The following JAKMIP2 variants were observed in gnomAD, a reference collection of about 807,000 sequenced individuals.
The protein encoded by JAKMIP2 is janus kinase and microtubule-interacting protein 2.
A neutral mutation model predicts 115.0 loss-of-function variants in JAKMIP2; 25 were observed. The observed-to-expected ratio is 0.22, with a 90% CI of 0.16 to 0.30. JAKMIP2 has a LOEUF of 0.30. JAKMIP2 is among the 10% of genes least tolerant of loss of function. The pLI, the probability that JAKMIP2 is intolerant of heterozygous loss-of-function variation, is 1.00. For missense variants in JAKMIP2, 642 were observed against 957.6 expected (o/e 0.67, Z 4.35); for synonymous variants, 334 against 343.6 (o/e 0.97, Z 0.31).
chr5:147,728,277 A>G, intron 1 of JAKMIP2, among the ~76,000 whole-genome samples: 1 of 152,148 alleles, frequency 6.6e-6, no homozygotes, highest in Non-Finnish European at 1.5e-5. Flanking sequence ...CTCCACTGAG[A>G]GATAAGGCTC....
intron 1 of JAKMIP2, among the ~76,000 whole-genome samples, chr5:147,748,694 A>G (rs1399467663): frequency 6.6e-6 from 1 of 152,218 alleles, no homozygotes. Context: ...GGCCAGGTAG[A>G]GAACCCATCT....
intron 3 of JAKMIP2, among the ~76,000 whole-genome samples, chr5:147,650,885 T>G (rs1365885571): frequency 6.6e-6 from 1 of 152,154 alleles, no homozygotes; most frequent in African/African-American, 2.4e-5. Context: ...AGATGAACAT[T>G]AAATATTCCA....
chr5:147,751,212 T>A (rs1754540765), intron 1 of JAKMIP2, among the ~76,000 whole-genome samples: 1 of 151,554 alleles, frequency 6.6e-6, no homozygotes, highest in Non-Finnish European at 1.5e-5. Context: ...GCTGGGATTA[T>A]AGGCTCGTGC....
intron 1 of JAKMIP2, among the ~76,000 whole-genome samples, chr5:147,732,777 C>G (rs1032868618): frequency 3.3e-5 from 5 of 152,198 alleles, no homozygotes; most frequent in Non-Finnish European, 7.3e-5. Context: ...CCCAGTGTCT[C>G]ACAGCTGGGA....
In JAKMIP2 at chr5:147,671,862, C is replaced by T. The variant is rs1759615973; in HGVS notation, c.-56G>A. The T allele has an allele frequency of 6.8e-7, 1 of 1,470,878 alleles. No individual in the cohort carries two copies. The highest frequency in any genetic ancestry group is 2.1e-5 in the Admixed American group (1 of 46,516). 91.1% of individuals were successfully genotyped at this position (1,470,878 alleles called of 1,614,324 possible). ...TTAATTTCTTTCAAGCAGGTGCTGC[C>T]ATGTTACTGTTTCTTATCCTGGAGT... is the stretch of plus-strand genomic sequence containing the variant. On this transcript the variant is annotated 5_prime_UTR_variant, in exon 2 of 22. The change abolishes an upstream ATG in the 5' untranslated region. Transcript: ENST00000616793.
intron 20 of JAKMIP2, among the ~76,000 whole-genome samples, chr5:147,605,945 C>A (rs549311644): frequency 4.6e-5 from 7 of 152,142 alleles, no homozygotes; most frequent in Non-Finnish European, 1.0e-4. Context: ...TGATGATGAG[C>A]TTTTTTTCAT....
chr5:147,774,491 G>A (rs1317398731), intron 1 of JAKMIP2, among the ~76,000 whole-genome samples: 6 of 152,012 alleles, frequency 3.9e-5, no homozygotes, highest in African/African-American at 1.4e-4. Context: ...TTCATTTAAT[G>A]GCTTATTGGT....
At chr5:147,591,767 C>T in intron 21 of JAKMIP2, 81 bp from the exon 22 acceptor site, 2 of 886,636 alleles carry the variant, frequency 2.3e-6, no homozygotes, top group Non-Finnish European at 3.6e-6. Flanking sequence ...TAAAAAAAGA[C>T]ACAAATTTTT....
intron 20 of JAKMIP2, among the ~76,000 whole-genome samples, chr5:147,607,986 C>T (rs774349097): frequency 2.6e-5 from 4 of 151,930 alleles, no homozygotes; most frequent in East Asian, 3.9e-4. Flanking sequence ...ATTCTCTGAT[C>T]GTAGTTTGTA....
intron 1 of JAKMIP2, among the ~76,000 whole-genome samples, chr5:147,771,040 C>A (rs1276701319): frequency 2.0e-5 from 3 of 152,000 alleles, no homozygotes; most frequent in Non-Finnish European, 4.4e-5. Flanking sequence ...TTAAGCAGAG[C>A]GTTGCTGTCC....
intron 1 of JAKMIP2, among the ~76,000 whole-genome samples, chr5:147,725,483 C>A (rs182890422): frequency 6.6e-6 from 1 of 152,196 alleles, no homozygotes; most frequent in Non-Finnish European, 1.5e-5. Context: ...GGACCTACCC[C>A]TTTTTGGCAA....
intron 1 of JAKMIP2, among the ~76,000 whole-genome samples, chr5:147,751,502 T>G (rs1194210336): frequency 2.1e-5 from 3 of 143,038 alleles, no homozygotes; most frequent in African/African-American, 5.2e-5. Flanking sequence ...GAAAAATTAA[T>G]TACTCCCCCT....
intron 21 of JAKMIP2, among the ~76,000 whole-genome samples, chr5:147,598,456 C>CTATCTATCTATCTATCATCTATCTATG (rs1755519445): frequency 1.3e-5 from 2 of 149,724 alleles, no homozygotes; most frequent in East Asian, 3.9e-4. Flanking sequence ...ATCTATCTAT[C>CTATCTATCTATCTATCATCTATCTATG]TATCATCTAT....
chr5:147,705,149 A>G (rs986550846), intron 1 of JAKMIP2, among the ~76,000 whole-genome samples: 2 of 152,184 alleles, frequency 1.3e-5, no homozygotes, highest in Non-Finnish European at 2.9e-5. Flanking sequence ...AGTTAAACCC[A>G]TTATAAGTGT....
intron 1 of JAKMIP2, among the ~76,000 whole-genome samples, chr5:147,775,798 C>G (rs1184653177): frequency 2.0e-5 from 3 of 152,184 alleles, no homozygotes; most frequent in Non-Finnish European, 4.4e-5. Flanking sequence ...ATTCATTCAG[C>G]CACTCAGTCA....
Position 147,624,023 on chromosome 5 carries a change from C to T in JAKMIP2, c.1996-334G>A, listed in dbSNP as rs191292268. On this transcript the variant is annotated intron_variant, in intron 16 of 21. Transcript: ENST00000616793. ...CTAATTTTTGTATTTTTAGTAGAGA[C>T]GGGGTTTCACCATCTTGGCCAGGCT... Among the ~76,000 whole-genome samples the T allele has an allele frequency of 5.5e-4, 83 of 151,928 alleles. 1 individual carries two copies. In the East Asian group the frequency reaches 0.014, roughly 26 times the overall value.
intron 1 of JAKMIP2, among the ~76,000 whole-genome samples, chr5:147,700,305 G>A (rs2126882617): frequency 6.6e-6 from 1 of 152,120 alleles, no homozygotes; most frequent in South Asian, 2.1e-4. Context: ...CCTTTAGGAT[G>A]GAGAAAAATA....
chr5:147,715,207 G>A (rs570573413), intron 1 of JAKMIP2, among the ~76,000 whole-genome samples: 6 of 151,868 alleles, frequency 4.0e-5, no homozygotes, highest in African/African-American at 1.2e-4. Flanking sequence ...ATTTCCTGTC[G>A]ATTCAAAATA....
chr5:147,739,015 A>T (rs4515290), intron 1 of JAKMIP2, among the ~76,000 whole-genome samples: 68,792 of 151,854 alleles, frequency 0.45, 16,570 homozygotes, highest in African/African-American at 0.62. Context: ...TGGAGGAGGG[A>T]TTTGTTTAAG....
Sources: gnomAD v4.1 joint callset for allele counts (sites outside exome capture counted in the v4.1 genomes callset) on GRCh38, gnomAD v4.1.1 for gene constraint, MANE v1.5 for transcripts, NCBI Gene and HGNC (gene_info 2026-07-23, HGNC 2026-07-21) for gene names.